The following RNF32 variants were observed in gnomAD, a reference collection of about 807,000 sequenced individuals.
RNF32 encodes the protein ring finger protein 32.
RNF32 carries 36 observed loss-of-function variants against 41.0 expected under a neutral mutation model. The ratio of observed to expected loss-of-function variants is 0.88; its 90% CI spans 0.67 to 1.16. RNF32 has a LOEUF of 1.16. Ranked by LOEUF, RNF32 falls within the 50% of genes most tolerant of loss-of-function variation. The pLI is 0.00. For synonymous variants in RNF32, 154 were observed against 160.9 expected (o/e 0.96, Z 0.32); for missense variants, 413 against 436.7 (o/e 0.95, Z 0.48).
intron 7 of RNF32, among the ~76,000 whole-genome samples, chr7:156,664,794 A>G (rs1432808549): frequency 6.6e-6 from 1 of 152,228 alleles, no homozygotes; most frequent in Non-Finnish European, 1.5e-5. Flanking sequence ...GCATAATAGT[A>G]TACTATTAAC....
intron 1 of RNF32, among the ~76,000 whole-genome samples, chr7:156,641,791 G>C (rs1797362343): frequency 6.6e-6 from 1 of 152,224 alleles, no homozygotes; most frequent in Non-Finnish European, 1.5e-5. Flanking sequence ...AATTCTGGCA[G>C]TGATCTTTCA....
Position 156,644,553 on chromosome 7 carries a change from C to A in RNF32, c.70C>A (p.His24Asn). Reference sequence around the variant, plus strand: ...AGTCAATGCAGTTGCTTTACAAGATCACATTTTACATGATCTTCAACTTCG... The same window carrying A: ...AGTCAATGCAGTTGCTTTACAAGATAACATTTTACATGATCTTCAACTTCG... ...LAVNAVALQD[H>N]ILHDLQLRNL... The change falls in exon 3 of 9, where the codon CAC becomes AAC. Residue 24 changes from histidine (H) to asparagine (N), a missense_variant. Physicochemically the swap from His to Asn is moderately conservative, Grantham distance 68. Transcript: ENST00000317955. 6.2e-7 allele frequency: 1 copy of A among 1,612,224 alleles called. No homozygotes were observed. Among genetic ancestry groups the A allele is most frequent in the South Asian group, 1.1e-5 (1 of 90,932 alleles).
intron 7 of RNF32, among the ~76,000 whole-genome samples, chr7:156,663,154 T>C (rs546079825): frequency 6.6e-6 from 1 of 152,258 alleles, no homozygotes; most frequent in Non-Finnish European, 1.5e-5. Context: ...TTCTTAATAA[T>C]GAAAGACACT....
chr7:156,644,698 A>G lies in RNF32; in HGVS notation c.215A>G (p.Lys72Arg), dbSNP rs753875988. 18 of 1,612,870 alleles carry G rather than the reference A, an allele frequency of 1.1e-5. No individual in the cohort carries two copies. The highest frequency in any genetic ancestry group is 8.5e-7 in the Non-Finnish European group (1 of 1,179,830). The part of the protein sequence containing the change: ...TGLKKTTQCP[K>R]LEDSEKEYVL... The stretch of plus-strand genomic sequence containing the variant: ...CTTAAAAAAACTACACAGTGCCCCA[A>G]ACTAGAAGACTCAGAAAAAGAATAT... Residue 72 changes from lysine to arginine, a missense_variant, in exon 3 of 9, where the codon AAA (lysine) becomes AGA (arginine). Lys to Arg is a conservative substitution (Grantham distance 26, BLOSUM62 2). Transcript: ENST00000317955.
At chr7:156,641,243 A>G (rs111457053) in intron 1 of RNF32, among the ~76,000 whole-genome samples, 1 of 152,342 alleles carries the variant, frequency 6.6e-6, no homozygotes, top group African/African-American at 2.4e-5. Flanking sequence ...GATAACACCA[A>G]GACCCTACGT....
intron 7 of RNF32, among the ~76,000 whole-genome samples, chr7:156,661,302 C>A (rs146248494): frequency 6.7e-6 from 1 of 149,884 alleles, no homozygotes; most frequent in East Asian, 2.0e-4. Context: ...GGGGTTCGTT[C>A]TGTTGCTGGG....
intron 7 of RNF32, among the ~76,000 whole-genome samples, chr7:156,671,235 G>C (rs975858063): frequency 1.3e-5 from 2 of 152,218 alleles, no homozygotes; most frequent in Non-Finnish European, 2.9e-5. Flanking sequence ...TGCACCGTTT[G>C]TCTGTCAGTA....
rs554895108 is a variant in RNF32, at chr7:156,669,770, C to T, written c.685-5926C>T. On this transcript the variant is annotated intron_variant, in intron 7 of 8. Coordinates refer to ENST00000317955, the MANE Select transcript of RNF32 (RefSeq NM_030936.4). The surrounding 1 kb of genome is among the most constrained non-coding windows in gnomAD (Gnocchi z 4.2). ...CATGGCTGGGCCCCTCCAGCACAGG[C>T]GCTTCCTGGGAGCCTCTGCAGGGCG... Among the ~76,000 whole-genome samples, 151 of 152,288 alleles carry T rather than the reference C, an allele frequency of 9.9e-4. No individual in the cohort carries two copies. The highest frequency in any genetic ancestry group is 5.0e-3 in the East Asian group (26 of 5,166).
intron 3 of RNF32, chr7:156,654,223 A>G (rs549634137): frequency 6.3e-6 from 1 of 158,436 alleles, no homozygotes; most frequent in East Asian, 1.8e-4. Flanking sequence ...AAAAATAACA[A>G]TACAACAATA....
intron 7 of RNF32, chr7:156,659,750 T>C: frequency 7.2e-6 from 5 of 693,268 alleles, no homozygotes; most frequent in Non-Finnish European, 8.9e-6. Flanking sequence ...TGGAAACAAG[T>C]GAAGCAACCA....
rs545278881 is a variant in RNF32, at chr7:156,669,666, G to A, written c.685-6030G>A. Among the ~76,000 whole-genome samples the A allele has an allele frequency of 8.5e-5, 13 of 152,320 alleles. No homozygotes were observed. Among genetic ancestry groups the A allele is most frequent in the East Asian group, 3.9e-4 (2 of 5,176 alleles). ...CACTGGAAACTGCCCTCAGAGCCCC[G>A]GGGATGCGAGGTCAGCAGCTGGGAC... On this transcript the variant is annotated intron_variant, in intron 7 of 8. Coordinates refer to ENST00000317955, the MANE Select transcript of RNF32 (RefSeq NM_030936.4). The surrounding 1 kb of genome is among the most constrained non-coding windows in gnomAD (Gnocchi z 4.2).
Position 156,676,894 on chromosome 7 carries a change from G to C in RNF32, c.*239G>C. On this transcript the variant is annotated 3_prime_UTR_variant, in exon 9 of 9. Transcript: ENST00000317955. ...AGTTTAATCACTTCAAATATGAATAGCAAAAAATGAGAGCTTGCTTACTTC... is the reference window on the plus strand; with the variant it reads ...AGTTTAATCACTTCAAATATGAATACCAAAAAATGAGAGCTTGCTTACTTC... The C allele has an allele frequency of 2.1e-6, 1 of 466,954 alleles. No individual in the cohort carries two copies. The highest frequency in any genetic ancestry group is 3.9e-6 in the Non-Finnish European group (1 of 259,690). 28.9% of individuals were successfully genotyped at this position (466,954 alleles called of 1,614,324 possible).
chr7:156,661,234 C>A (rs1800617096), intron 7 of RNF32, among the ~76,000 whole-genome samples: 1 of 152,188 alleles, frequency 6.6e-6, no homozygotes, highest in Non-Finnish European at 1.5e-5. Flanking sequence ...CACCTTTCTT[C>A]CCATCGTGGC....
chr7:156,667,156 A>G (rs943218253), intron 7 of RNF32, among the ~76,000 whole-genome samples: 13 of 152,220 alleles, frequency 8.5e-5, no homozygotes, highest in Non-Finnish European at 7.3e-5. Context: ...GACTGGAAGG[A>G]TATTAAACCA....
intron 7 of RNF32, among the ~76,000 whole-genome samples, chr7:156,668,728 A>G (rs1167153511): frequency 6.6e-6 from 1 of 152,224 alleles, no homozygotes; most frequent in Non-Finnish European, 1.5e-5. Context: ...TCTCTGTTAA[A>G]GGAACCAGTG....
Position 156,644,589 on chromosome 7 carries a change from G to T in RNF32, c.106G>T (p.Val36Phe), listed in dbSNP as rs754207843. Reference sequence around the variant, plus strand: ...TGATCTTCAACTTCGAAATCTTTCAGTTGCAGATCATTCTAAGACACAAGT... The same window carrying T: ...TGATCTTCAACTTCGAAATCTTTCATTTGCAGATCATTCTAAGACACAAGT... ...LHDLQLRNLSVADHSKTQVQK... is the reference protein window; with the variant it reads ...LHDLQLRNLSFADHSKTQVQK... Residue 36 changes from valine (V) to phenylalanine (F), a missense_variant, in exon 3 of 9, where the codon GTT (valine) becomes TTT (phenylalanine). Transcript: ENST00000317955. The T allele has an allele frequency of 1.9e-6, 3 of 1,613,340 alleles. No individual in the cohort carries two copies. Among genetic ancestry groups the T allele is most frequent in the Non-Finnish European group, 2.5e-6 (3 of 1,179,466 alleles).
intron 3 of RNF32, among the ~76,000 whole-genome samples, chr7:156,650,735 G>A (rs1420171991): frequency 2.0e-5 from 3 of 152,216 alleles, no homozygotes; most frequent in Non-Finnish European, 4.4e-5. Flanking sequence ...TGGGGGCCCT[G>A]TCTCTCCCTG....
In RNF32 at chr7:156,676,786, T is replaced by C; in HGVS notation, c.*131T>C. ...CAGGGAAATAAGCTATTGGTAGTTG[T>C]AGGAAATCTTAGTATATTTTAAAAG... is the stretch of plus-strand genomic sequence containing the variant. On this transcript the variant is annotated 3_prime_UTR_variant, in exon 9 of 9. Coordinates refer to ENST00000317955, the MANE Select transcript of RNF32 (RefSeq NM_030936.4). 3.0e-6 allele frequency: 2 copies of C among 659,288 alleles called. No individual in the cohort carries two copies. Among genetic ancestry groups the C allele is most frequent in the South Asian group, 1.9e-5 (1 of 51,390 alleles). The allele number at this position is 659,288 out of a possible 1,614,324, so 40.8% of individuals were successfully genotyped here. A position where few individuals can be genotyped will look rare whatever the true frequency, so the allele number is the denominator to read the frequency against.
intron 4 of RNF32, among the ~76,000 whole-genome samples, chr7:156,655,591 T>G (rs1799534666): frequency 6.6e-6 from 1 of 152,250 alleles, no homozygotes; most frequent in Admixed American, 6.5e-5. Flanking sequence ...ACTCTGAGTC[T>G]TCATTGAATT....
Sources: gnomAD v4.1 joint callset for allele counts (sites outside exome capture counted in the v4.1 genomes callset) on GRCh38, gnomAD v4.1.1 for gene constraint, Gnocchi (gnomAD v3.1) non-coding constraint, MANE v1.5 for transcripts, NCBI Gene and HGNC (gene_info 2026-07-23, HGNC 2026-07-21) for gene names.